AKT3: variants seen among roughly 807,000 people sequenced by gnomAD.
The protein encoded by AKT3 is AKT serine/threonine kinase 3.
AKT3 carries 15 observed loss-of-function variants against 65.3 expected under a neutral mutation model. The observed-to-expected ratio is 0.23, with a 90% confidence interval of 0.15 to 0.35. The LOEUF (loss-of-function observed/expected upper bound fraction) is 0.35. AKT3 is among the 10% of genes least tolerant of loss of function. The pLI is 1.00. For missense variants in AKT3, 243 were observed against 576.5 expected (o/e 0.42, Z 5.92); for synonymous variants, 206 against 183.8 (o/e 1.12, Z -0.98).
At chr1:243,619,180 G>T (rs1448438398) in intron 6 of AKT3, among the ~76,000 whole-genome samples, 1 of 152,064 alleles carries the variant, frequency 6.6e-6, no homozygotes, top group African/African-American at 2.4e-5. Context: ...CACGAATCAG[G>T]TGGGAGAAAC....
At chr1:243,544,782 C>A (rs1672552104) in intron 12 of AKT3, among the ~76,000 whole-genome samples, 1 of 150,342 alleles carries the variant, frequency 6.7e-6, no homozygotes, top group Admixed American at 6.6e-5. Context: ...CAGCTCACTG[C>A]AGCCTCAACC....
intron 2 of AKT3, among the ~76,000 whole-genome samples, chr1:243,795,476 G>GTTTTTTTTTT: frequency 9.1e-6 from 1 of 109,870 alleles, no homozygotes. Flanking sequence ...TTTTTTTTTG[G>GTTTTTTTTTT]TTTTTTTTTT....
At position 243,665,060 on chromosome 1, in the gene AKT3, C is replaced by T. The variant is rs79620789; in HGVS notation, c.173-177G>A. Among the ~76,000 whole-genome samples the T allele has an allele frequency of 0.012, 1,787 of 152,282 alleles. 31 individuals are homozygous for T. Among genetic ancestry groups the T allele is most frequent in the African/African-American group, 0.041 (1,721 of 41,538 alleles). The stretch of plus-strand genomic sequence containing the variant: ...TTAGTCTTCCTTTCCAATCCTTCAC[C>T]CATTCTGGCCACATTAACCACCTCA... On this transcript the variant is annotated intron_variant, in intron 3 of 13. Transcript: ENST00000673466.
chr1:243,512,679 G>C (rs1670094013), intron 12 of AKT3, among the ~76,000 whole-genome samples: 1 of 152,166 alleles, frequency 6.6e-6, no homozygotes, highest in African/African-American at 2.4e-5. Flanking sequence ...TAGGACGGGA[G>C]AGGGATATTG....
intron 2 of AKT3, among the ~76,000 whole-genome samples, chr1:243,773,754 T>C (rs1286431279): frequency 6.6e-6 from 1 of 152,232 alleles, no homozygotes; most frequent in Non-Finnish European, 1.5e-5. Context: ...CATTTAACAA[T>C]GTTAATTTCC....
chr1:243,737,982 T>C (rs2148165871), intron 2 of AKT3, among the ~76,000 whole-genome samples: 1 of 152,292 alleles, frequency 6.6e-6, no homozygotes, highest in East Asian at 1.9e-4. Context: ...AGATAACTAA[T>C]ATACTCAAAT....
At chr1:243,632,353 T>C (rs1473382055) in intron 6 of AKT3, among the ~76,000 whole-genome samples, 1 of 152,202 alleles carries the variant, frequency 6.6e-6, no homozygotes, top group Non-Finnish European at 1.5e-5. Context: ...CTTTTGTATA[T>C]CTGGTGCATT....
At chr1:243,516,120 G>A (rs1020979992) in intron 12 of AKT3, among the ~76,000 whole-genome samples, 4 of 152,146 alleles carry the variant, frequency 2.6e-5, no homozygotes, top group South Asian at 4.1e-4. Flanking sequence ...GGTAGACTTC[G>A]TTGGTGAAAA....
intron 2 of AKT3, chr1:243,740,683 T>C (rs752980472): frequency 5.9e-5 from 9 of 152,212 alleles, no homozygotes; most frequent in Non-Finnish European, 8.8e-5. Flanking sequence ...TAAAGATCCC[T>C]GCTCTATGGC....
At chr1:243,754,200 G>A (rs1688981875) in intron 2 of AKT3, among the ~76,000 whole-genome samples, 1 of 152,064 alleles carries the variant, frequency 6.6e-6, no homozygotes, top group African/African-American at 2.4e-5. Context: ...TACACTCAAG[G>A]GAAACTTTGA....
At chr1:243,552,243 C>A (rs1341548135) in intron 11 of AKT3, among the ~76,000 whole-genome samples, 1 of 133,432 alleles carries the variant, frequency 7.5e-6, no homozygotes, top group South Asian at 2.6e-4. Context: ...GAGTCAAGAT[C>A]GCGCCACTGC....
chr1:243,816,611 A>G (rs1026085683), intron 2 of AKT3, among the ~76,000 whole-genome samples: 4 of 152,346 alleles, frequency 2.6e-5, no homozygotes, highest in Non-Finnish European at 4.4e-5. Flanking sequence ...ACTAGAAAAG[A>G]TAAGAAAAGC....
rs564483305 is a variant in AKT3, at chr1:243,709,288, A to C, written c.47-13572T>G. Among the ~76,000 whole-genome samples the C allele has an allele frequency of 1.1e-4, 17 of 150,792 alleles. No homozygotes were observed. In the South Asian group the frequency reaches 2.5e-3, roughly 22 times the overall value. ...AAAAAAAAACAAAACCTAGCATTAA[A>C]AGAAAAAAAAAAAGAGCTTCTATTG... On this transcript the variant is annotated intron_variant, in intron 2 of 13. Transcript: ENST00000673466.
In AKT3 at chr1:243,605,605, G is replaced by A. The variant is rs574285069; in HGVS notation, c.696+8066C>T. On this transcript the variant is annotated intron_variant, in intron 8 of 13. Transcript: ENST00000673466. ...TATATCTTATTGAGCCCACTTCTTTGAATTCATATAAATTACATGCAACTA... is the reference window on the plus strand; with the variant it reads ...TATATCTTATTGAGCCCACTTCTTTAAATTCATATAAATTACATGCAACTA... Among the ~76,000 whole-genome samples the A allele has an allele frequency of 2.0e-5, 3 of 152,224 alleles. No homozygotes were observed. In the East Asian group the frequency reaches 5.8e-4, roughly 29 times the overall value.
chr1:243,512,950 C>T (rs1461865797), intron 12 of AKT3, among the ~76,000 whole-genome samples: 5 of 152,168 alleles, frequency 3.3e-5, no homozygotes, highest in Non-Finnish European at 4.4e-5. Context: ...TTGATGCCTG[C>T]CCTGCTCTGG....
At chr1:243,786,202 G>C (rs1558809346) in intron 2 of AKT3, among the ~76,000 whole-genome samples, 1 of 152,190 alleles carries the variant, frequency 6.6e-6, no homozygotes, top group Non-Finnish European at 1.5e-5. Flanking sequence ...TGATCAAAAA[G>C]AGGTATTCAA....
chr1:243,576,751 C>A (rs917527595), intron 8 of AKT3, among the ~76,000 whole-genome samples: 1 of 152,166 alleles, frequency 6.6e-6, no homozygotes, highest in African/African-American at 2.4e-5. Context: ...GGAAAACATT[C>A]CAGGCTAATG....
At chr1:243,674,844 A>G (rs1683392773) in intron 3 of AKT3, among the ~76,000 whole-genome samples, 1 of 152,198 alleles carries the variant, frequency 6.6e-6, no homozygotes, top group Non-Finnish European at 1.5e-5. Context: ...AAAATTTTCA[A>G]TTCATGAAGT....
intron 2 of AKT3, among the ~76,000 whole-genome samples, chr1:243,771,152 A>G (rs911397266): frequency 6.6e-6 from 1 of 152,200 alleles, no homozygotes; most frequent in South Asian, 2.1e-4. Flanking sequence ...AAAATATTTA[A>G]GCCTCAGTTG....
Sources: allele counts gnomAD v4.1 joint callset (sites outside exome capture counted in the v4.1 genomes callset), GRCh38; gene constraint gnomAD v4.1.1; transcripts MANE v1.5; gene names NCBI Gene and HGNC (gene_info 2026-07-23, HGNC 2026-07-21).